MESP2: variants seen among roughly 807,000 people sequenced by gnomAD.
The protein encoded by MESP2 is mesoderm posterior bHLH transcription factor 2.
A neutral mutation model predicts 37.8 loss-of-function variants in MESP2; 34 were observed. That is an observed-to-expected ratio of 0.90 (90% CI 0.68 to 1.20). The LOEUF is 1.20. MESP2 is among the 50% of genes most tolerant of loss of function. The pLI is 0.00. For missense variants in MESP2, 646 were observed against 545.3 expected, an observed-to-expected ratio of 1.18 and a Z score of -1.84; for synonymous variants, 303 against 251.6, an observed-to-expected ratio of 1.20 and a Z score of -1.93.
intron 1 of MESP2, among the ~76,000 whole-genome samples, 181 bp from the exon 2 acceptor site, chr15:89,777,884 G>A (rs952930383): frequency 1.3e-5 from 2 of 152,168 alleles, no homozygotes; most frequent in African/African-American, 2.4e-5. Flanking sequence ...TAGCAGAACT[G>A]GGATTTAAGC....
rs948678206 is a variant in MESP2 at position 89,776,703 on chromosome 15, G to C, written c.346G>C (p.Gly116Arg). The C allele has an allele frequency of 2.6e-6, 4 of 1,561,696 alleles. No homozygotes were observed. The African/African-American group carries it at 5.7e-5, about 22-fold the overall frequency. Residue 116 changes from glycine (G) to arginine (R), a missense_variant, in exon 1 of 2, where the codon GGC (glycine) becomes CGC (arginine). Transcript: ENST00000341735. ...TCTGCCTCCCTCCTTGGCGCCGGCC[G>C]GCCAGAGCCTGACCAAGATCGAGAC... ...RFLPPSLAPA[G>R]QSLTKIETLR...
Position 89,776,373 on chromosome 15 carries a change from C to G in MESP2, c.16C>G (p.Pro6Ala). 6.5e-7 allele frequency: 1 copy of G among 1,532,290 alleles called. No homozygotes were observed. The highest frequency in any genetic ancestry group is 1.4e-5 in the African/African-American group (1 of 72,584). 94.9% of individuals were successfully genotyped at this position (1,532,290 alleles called of 1,614,324 possible). The change falls in exon 1 of 2, where the codon CCT becomes GCT. Residue 6 changes from proline to alanine, a missense_variant. Pro to Ala is a conservative substitution (Grantham distance 27). Transcript: ENST00000341735. MAQSPPPQSLLGHDHW... is the reference protein window; with the variant it reads MAQSPAPQSLLGHDHW... The stretch of plus-strand genomic sequence containing the variant: ...CAGCCCGGCCATGGCCCAGTCGCCT[C>G]CTCCGCAGAGCCTCCTCGGCCACGA...
rs1388239372 is a variant in MESP2 at position 89,776,535 on chromosome 15, A to C, written c.178A>C (p.Ser60Arg). ...GLPQPQPPSCSSRAAEAAATT... is the reference protein window; with the variant it reads ...GLPQPQPPSCRSRAAEAAATT... ...CCCGCAGCCACAGCCTCCGAGCTGC[A>C]GCTCCCGAGCCGCAGAGGCAGCCGC... Residue 60 changes from serine to arginine, a missense_variant, in exon 1 of 2, where the codon AGC becomes CGC. Physicochemically the swap from Ser to Arg is moderately radical, Grantham distance 110. Coordinates refer to ENST00000341735, the MANE Select transcript of MESP2 (RefSeq NM_001039958.2). The C allele has an allele frequency of 6.5e-7, 1 of 1,532,128 alleles. No homozygotes were observed. The highest frequency in any genetic ancestry group is 2.5e-5 in the East Asian group (1 of 40,442). The allele number at this position is 1,532,128 out of a possible 1,614,324, so 94.9% of individuals were successfully genotyped here.
At chr15:89,778,040 C>G (rs766860893) in intron 1 of MESP2, 25 bp from the exon 2 acceptor site, 4 of 1,612,180 alleles carry the variant, frequency 2.5e-6, no homozygotes, top group Non-Finnish European at 3.4e-6. Context: ...GCCCACTAAC[C>G]AGGCTGCTCT....
rs986299993 is a variant in MESP2 at position 89,776,605 on chromosome 15, G to T, written c.248G>T (p.Arg83Leu). The T allele has an allele frequency of 1.2e-5, 19 of 1,522,214 alleles. No homozygotes were observed. In the East Asian group the frequency reaches 2.1e-4, roughly 17 times the overall value. The allele number at this position is 1,522,214 out of a possible 1,614,324, so 94.3% of individuals were successfully genotyped here. The change falls in exon 1 of 2, where the codon CGG becomes CTG. Residue 83 changes from arginine to leucine, a missense_variant. Coordinates refer to ENST00000341735, the MANE Select transcript of MESP2 (RefSeq NM_001039958.2). ...CGCACCGGACCAGCGGGCGGACAGC[G>T]GCAGAGCGCCAGCGAGCGGGAGAAA... The part of the protein sequence containing the change: ...RARTGPAGGQ[R>L]QSASEREKLR...
rs796229085 is a variant in MESP2 at position 89,777,919 on chromosome 15, G to A, written c.925-146G>A. 13 of 1,076,380 alleles carry A rather than the reference G, an allele frequency of 1.2e-5. No individual in the cohort carries two copies. In the African/African-American group the frequency reaches 1.9e-4, roughly 15 times the overall value. The allele number at this position is 1,076,380 out of a possible 1,614,324, so 66.7% of individuals were successfully genotyped here. ...CCTTAGCAGAGTGTCTCCCGAGCCAGTCCTCTTAACCACTTGGCTTTGCTG... is the reference window on the plus strand; with the variant it reads ...CCTTAGCAGAGTGTCTCCCGAGCCAATCCTCTTAACCACTTGGCTTTGCTG... On this transcript the variant is annotated intron_variant, in intron 1 of 1. Transcript: ENST00000341735.
In MESP2 at chr15:89,776,622, C is replaced by T; in HGVS notation, c.265C>T (p.Arg89Trp). 6.6e-7 allele frequency: 1 copy of T among 1,522,326 alleles called. No individual in the cohort carries two copies. The highest frequency in any genetic ancestry group is 8.8e-7 in the Non-Finnish European group (1 of 1,142,098). The allele number at this position is 1,522,326 out of a possible 1,614,324, so 94.3% of individuals were successfully genotyped here. ...AGGQRQSASE[R>W]EKLRMRTLAR... ...CGGACAGCGGCAGAGCGCCAGCGAGCGGGAGAAACTGCGCATGCGCACGCT... is the reference window on the plus strand; with the variant it reads ...CGGACAGCGGCAGAGCGCCAGCGAGTGGGAGAAACTGCGCATGCGCACGCT... Residue 89 changes from arginine (R) to tryptophan (W), a missense_variant, in exon 1 of 2, where the codon CGG (arginine) becomes TGG (tryptophan). Transcript: ENST00000341735.
chr15:89,777,932 C>A, intron 1 of MESP2, 133 bp from the exon 2 acceptor site: 1 of 1,262,306 alleles, frequency 7.9e-7, no homozygotes, highest in East Asian at 2.4e-5. Context: ...CTCTTAACCA[C>A]TTGGCTTTGC....
Position 89,778,509 on chromosome 15 carries a change from G to A in MESP2, c.*175G>A. The A allele has an allele frequency of 1.2e-6, 1 of 826,350 alleles. No individual in the cohort carries two copies. Among genetic ancestry groups the A allele is most frequent in the South Asian group, 1.6e-5 (1 of 62,444 alleles). 51.2% of individuals were successfully genotyped at this position (826,350 alleles called of 1,614,324 possible). A position where few individuals can be genotyped will look rare whatever the true frequency, so the allele number is the denominator to read the frequency against. On this transcript the variant is annotated 3_prime_UTR_variant, in exon 2 of 2. Coordinates refer to ENST00000341735, the MANE Select transcript of MESP2 (RefSeq NM_001039958.2). ...ATAGCGGGTACCTTCCCTGGATGGA[G>A]TCAGGGCGGGGGCACTGTCCTCCAC...
At position 89,776,458 on chromosome 15, in the gene MESP2, C is replaced by T. The variant is rs1042003945; in HGVS notation, c.101C>T (p.Ala34Val). 6 of 1,534,292 alleles carry T rather than the reference C, an allele frequency of 3.9e-6. No homozygotes were observed. The African/African-American group carries it at 8.3e-5, about 21-fold the overall frequency. The change falls in exon 1 of 2, where the codon GCC (alanine) becomes GTC (valine). Residue 34 changes from alanine to valine, a missense_variant. Coordinates refer to ENST00000341735, the MANE Select transcript of MESP2 (RefSeq NM_001039958.2). ...GGCCACTGGGACTCCACGTCCCCGG[C>T]CTCCTCCTCCGATTCGTCGGGTTCG... ...WAGHWDSTSPASSSDSSGSCP... is the reference protein window; with the variant it reads ...WAGHWDSTSPVSSSDSSGSCP...
rs1313341373 is a variant in MESP2, at chr15:89,776,695, C to T, written c.338C>T (p.Ala113Val). 1 of 1,558,630 alleles carries T rather than the reference C, an allele frequency of 6.4e-7. No homozygotes were observed. The highest frequency in any genetic ancestry group is 8.6e-7 in the Non-Finnish European group (1 of 1,158,744). The change falls in exon 1 of 2, where the codon GCG becomes GTG. Residue 113 changes from alanine (A) to valine (V), a missense_variant. Physicochemically the swap from Ala to Val is moderately conservative, Grantham distance 64. Transcript: ENST00000341735. The part of the protein sequence containing the change: ...ELRRFLPPSL[A>V]PAGQSLTKIE... ...CGCCGCTTTCTGCCTCCCTCCTTGG[C>T]GCCGGCCGGCCAGAGCCTGACCAAG...
At position 89,776,477 on chromosome 15, in the gene MESP2, G is replaced by A. The variant is rs1054944422; in HGVS notation, c.120G>A (p.Ser40=). ...STSPASSSDS[S]GSCPCDGARG... ...CCCCGGCCTCCTCCTCCGATTCGTCGGGTTCGTGCCCCTGCGACGGCGCCC... is the reference window on the plus strand; with the variant it reads ...CCCCGGCCTCCTCCTCCGATTCGTCAGGTTCGTGCCCCTGCGACGGCGCCC... Residue 40 remains serine, a synonymous_variant, in exon 1 of 2, where the codon TCG becomes TCA. Transcript: ENST00000341735. 3.7e-5 allele frequency: 57 copies of A among 1,534,112 alleles called. No individual in the cohort carries two copies. Among genetic ancestry groups the A allele is most frequent in the Non-Finnish European group, 4.7e-5 (54 of 1,146,040 alleles).
Position 89,776,599 on chromosome 15 carries a change from G to T in MESP2, c.242G>T (p.Gly81Val), listed in dbSNP as rs751835161. 2.0e-6 allele frequency: 3 copies of T among 1,523,444 alleles called. No homozygotes were observed. Among genetic ancestry groups the T allele is most frequent in the South Asian group, 1.2e-5 (1 of 82,472 alleles). The allele number at this position is 1,523,444 out of a possible 1,614,324, so 94.4% of individuals were successfully genotyped here. The change falls in exon 1 of 2, where the codon GGA becomes GTA. Residue 81 changes from glycine (G) to valine (V), a missense_variant. Coordinates refer to ENST00000341735, the MANE Select transcript of MESP2 (RefSeq NM_001039958.2). ...CGAGCGCGCACCGGACCAGCGGGCG[G>T]ACAGCGGCAGAGCGCCAGCGAGCGG... is the stretch of plus-strand genomic sequence containing the variant. ...PRRARTGPAG[G>V]QRQSASEREK... is the part of the protein sequence containing the mutation.
In MESP2 at chr15:89,777,038, C is replaced by T. The variant is rs759211132; in HGVS notation, c.681C>T (p.Pro227=). The T allele has an allele frequency of 6.3e-7, 1 of 1,599,692 alleles. No individual in the cohort carries two copies. The highest frequency in any genetic ancestry group is 1.7e-5 in the Admixed American group (1 of 58,390). ...EASWGSPSAC[P]GAQAAPERLG... is the part of the protein sequence containing the mutation. Reference sequence around the variant, plus strand: ...CCTGGGGATCCCCGTCCGCCTGCCCCGGAGCCCAAGCCGCACCCGAGCGCC... The same window carrying T: ...CCTGGGGATCCCCGTCCGCCTGCCCTGGAGCCCAAGCCGCACCCGAGCGCC... Residue 227 remains proline (P), a synonymous_variant, in exon 1 of 2, where the codon CCC becomes CCT. Transcript: ENST00000341735.
Position 89,778,158 on chromosome 15 carries a change from G to C in MESP2, c.1018G>C (p.Gly340Arg). ...CCAGAGACTGCAGCCTCAGACCCCC[G>C]GGAGGTGCTGGAGCCACAGTGCAGA... is the stretch of plus-strand genomic sequence containing the variant. ...SCQRLQPQTP[G>R]RCWSHSAEVV... The change falls in exon 2 of 2, where the codon GGG becomes CGG. Residue 340 changes from glycine to arginine, a missense_variant. Coordinates refer to ENST00000341735, the MANE Select transcript of MESP2 (RefSeq NM_001039958.2). The C allele has an allele frequency of 6.2e-7, 1 of 1,613,666 alleles. No individual in the cohort carries two copies. The highest frequency in any genetic ancestry group is 1.3e-5 in the African/African-American group (1 of 75,006).
chr15:89,778,436 C>T lies in MESP2; in HGVS notation c.*102C>T. 1 of 1,436,612 alleles carries T rather than the reference C, an allele frequency of 7.0e-7. No individual in the cohort carries two copies. The highest frequency in any genetic ancestry group is 9.7e-7 in the Non-Finnish European group (1 of 1,035,454). The allele number at this position is 1,436,612 out of a possible 1,614,324, so 89.0% of individuals were successfully genotyped here. On this transcript the variant is annotated 3_prime_UTR_variant, in exon 2 of 2. Coordinates refer to ENST00000341735, the MANE Select transcript of MESP2 (RefSeq NM_001039958.2). Reference sequence around the variant, plus strand: ...TTTTCATGTTCTCCTTTAGCCAAGGCTCCCTTTTTCCAAGTGATGTCTTTC... The same window carrying T: ...TTTTCATGTTCTCCTTTAGCCAAGGTTCCCTTTTTCCAAGTGATGTCTTTC...
At chr15:89,778,019 A>G (rs768395213) in intron 1 of MESP2, 46 bp from the exon 2 acceptor site, 1 of 1,611,434 alleles carries the variant, frequency 6.2e-7, no homozygotes, top group South Asian at 1.1e-5. Context: ...ATCTCTGGAT[A>G]TCAGGGAGTA....
Position 89,778,194 on chromosome 15 carries a change from A to G in MESP2, c.1054A>G (p.Asn352Asp). 6.2e-7 allele frequency: 1 copy of G among 1,613,666 alleles called. No individual in the cohort carries two copies. The highest frequency in any genetic ancestry group is 2.2e-5 in the East Asian group (1 of 44,866). Residue 352 changes from asparagine (N) to aspartate (D), a missense_variant, in exon 2 of 2, where the codon AAC (asparagine) becomes GAC (aspartate). Physicochemically the swap from Asn to Asp is conservative, Grantham distance 23. Transcript: ENST00000341735. Reference sequence around the variant, plus strand: ...GAGCCACAGTGCAGAGGTGGTGCCCAACTCAGAGGACCAGGGACCGGGCGC... The same window carrying G: ...GAGCCACAGTGCAGAGGTGGTGCCCGACTCAGAGGACCAGGGACCGGGCGC... ...CWSHSAEVVP[N>D]SEDQGPGAAF... is the part of the protein sequence containing the mutation.
chr15:89,778,380 T>C lies in MESP2; in HGVS notation c.*46T>C, dbSNP rs780864633. On this transcript the variant is annotated 3_prime_UTR_variant, in exon 2 of 2. Transcript: ENST00000341735. ...TCCATCCAGGAATCAGTCCTGTAGC[T>C]TGGGTGCCTCCTTATTTGTTAATTA... The C allele has an allele frequency of 1.9e-5, 30 of 1,610,592 alleles. No homozygotes were observed. The Admixed American group carries it at 2.3e-4, about 13-fold the overall frequency.
Sources: gnomAD v4.1 joint callset for allele counts (sites outside exome capture counted in the v4.1 genomes callset) on GRCh38, gnomAD v4.1.1 for gene constraint, MANE v1.5 for transcripts, NCBI Gene and HGNC (gene_info 2026-07-23, HGNC 2026-07-21) for gene names.